The following FAT3 variants were observed in gnomAD, a reference collection of about 807,000 sequenced individuals.
FAT3 encodes FAT atypical cadherin 3.
A neutral mutation model predicts 310.2 loss-of-function variants in FAT3; 95 were observed. The observed-to-expected ratio is 0.31, with a 90% CI of 0.26 to 0.36. FAT3 has a LOEUF of 0.36. Among genes scored for constraint, FAT3 ranks in the 10% least tolerant of loss-of-function variants. The probability of loss-of-function intolerance (pLI) is 1.00; values close to 1 mark genes in which losing one functional copy is unlikely to be tolerated. For missense variants in FAT3, 5,408 were observed against 5,715.6 expected (o/e 0.95, Z 1.74); for synonymous variants, 2,314 against 2,192.9 (o/e 1.06, Z -1.54).
intron 4 of FAT3, among the ~76,000 whole-genome samples, chr11:92,713,570 T>C (rs1302542389): frequency 6.6e-6 from 1 of 152,230 alleles, no homozygotes; most frequent in Non-Finnish European, 1.5e-5. Context: ...TTGGGTACCC[T>C]GTACTTTAAT....
At position 92,882,844 on chromosome 11, in the gene FAT3, G is replaced by A. The variant is rs2136409216; in HGVS notation, c.12388G>A (p.Gly4130Ser). The change falls in exon 24 of 28, where the codon GGC (glycine) becomes AGC (serine). Residue 4130 changes from glycine (G) to serine (S), a missense_variant. Gly to Ser is a moderately conservative substitution (Grantham distance 56). Coordinates refer to ENST00000525166, the MANE Select transcript of FAT3 (RefSeq NM_001367949.2). ...CTGCAACTGCACGCCGGGCTACGTGGGCCAGTACTGCGGGCTGCGCCCCGT... is the reference window on the plus strand; with the variant it reads ...CTGCAACTGCACGCCGGGCTACGTGAGCCAGTACTGCGGGCTGCGCCCCGT... ...FLCNCTPGYV[G>S]QYCGLRPVVV... 6.2e-7 allele frequency: 1 copy of A among 1,611,912 alleles called. No individual in the cohort carries two copies. Among genetic ancestry groups the A allele is most frequent in the Non-Finnish European group, 8.5e-7 (1 of 1,179,246 alleles).
intron 2 of FAT3, among the ~76,000 whole-genome samples, chr11:92,507,376 A>G (rs960739549): frequency 6.6e-6 from 1 of 152,122 alleles, no homozygotes; most frequent in Admixed American, 6.6e-5. Context: ...TATAAATAGG[A>G]AAGCAAAGAG....
chr11:92,430,355 C>A lies in FAT3; in HGVS notation c.3292+74951C>A, dbSNP rs1950737895. On this transcript the variant is annotated intron_variant, in intron 2 of 27. Transcript: ENST00000525166. ...CTGTCAATTCGTCAAACTCATTCTC[C>A]ACCTAGTTTTGTTCCCTTGCTGGCG... Among the ~76,000 whole-genome samples the A allele has an allele frequency of 2.0e-5, 3 of 152,250 alleles. No homozygotes were observed. The South Asian group carries it at 6.2e-4, about 32-fold the overall frequency.
At chr11:92,834,164 T>C (rs896611361) in intron 14 of FAT3, among the ~76,000 whole-genome samples, 1 of 152,200 alleles carries the variant, frequency 6.6e-6, no homozygotes, top group African/African-American at 2.4e-5. Context: ...GGGAAGGATA[T>C]AGCACCAACA....
chr11:92,889,774 A>G (rs1949875391), intron 26 of FAT3, 82 bp from the exon 27 acceptor site: 2 of 711,182 alleles, frequency 2.8e-6, no homozygotes, highest in Non-Finnish European at 5.3e-6. Flanking sequence ...TATGTTTTTA[A>G]AAGTCATCTC....
intron 1 of FAT3, among the ~76,000 whole-genome samples, chr11:92,296,605 CCTGT>C (rs796781127): frequency 5.3e-5 from 8 of 151,876 alleles, no homozygotes; most frequent in African/African-American, 1.5e-4. Context: ...CTTGTTATGG[CCTGT>C]CTGTTTCATG....
At chr11:92,838,427 G>C (rs553547727) in intron 17 of FAT3, among the ~76,000 whole-genome samples, 1 of 152,308 alleles carries the variant, frequency 6.6e-6, no homozygotes, top group Admixed American at 6.5e-5. Context: ...TCTGCTATAA[G>C]AGAGAGTGAC....
rs566437595 is a variant in FAT3, at chr11:92,695,395, T to C, written c.3608-1989T>C. ...AGGAAGGAAAGTTACTCATCCTCCT[T>C]GACCTTCTTGGTGGCAGTCTTTCCT... On this transcript the variant is annotated intron_variant, in intron 3 of 27. Transcript: ENST00000525166. Among the ~76,000 whole-genome samples, 3 of 152,208 alleles carry C rather than the reference T, an allele frequency of 2.0e-5. No individual in the cohort carries two copies. In the East Asian group the frequency reaches 5.8e-4, roughly 29 times the overall value.
At chr11:92,624,908 G>A (rs1941256094) in intron 3 of FAT3, among the ~76,000 whole-genome samples, 1 of 152,286 alleles carries the variant, frequency 6.6e-6, no homozygotes, top group Non-Finnish European at 1.5e-5. Context: ...GATTTCTATT[G>A]TTATCGTATG....
intron 10 of FAT3, among the ~76,000 whole-genome samples, chr11:92,804,939 G>A (rs1947462080): frequency 6.6e-6 from 1 of 152,128 alleles, no homozygotes; most frequent in South Asian, 2.1e-4. Context: ...TTATTATCTT[G>A]GAAAGTTACT....
At chr11:92,577,301 G>T (rs1938533951) in intron 3 of FAT3, among the ~76,000 whole-genome samples, 1 of 151,750 alleles carries the variant, frequency 6.6e-6, no homozygotes, top group Non-Finnish European at 1.5e-5. Context: ...TAGAGATGGG[G>T]TTTCACCATT....
chr11:92,481,429 A>G (rs1952224194), intron 2 of FAT3, among the ~76,000 whole-genome samples: 1 of 152,190 alleles, frequency 6.6e-6, no homozygotes, highest in Non-Finnish European at 1.5e-5. Context: ...ACATAAATTC[A>G]AGAAAATAGA....
rs544331964 is a variant in FAT3 at position 92,464,134 on chromosome 11, T to C, written c.3293-60500T>C. Among the ~76,000 whole-genome samples the C allele has an allele frequency of 3.3e-5, 5 of 152,264 alleles. No homozygotes were observed. In the East Asian group the frequency reaches 5.8e-4, roughly 18 times the overall value. On this transcript the variant is annotated intron_variant, in intron 2 of 27. Transcript: ENST00000525166. The stretch of plus-strand genomic sequence containing the variant: ...AAAGGATGAGTGTTTTAATCAAGAA[T>C]AACACCTAATGGTTGGGAGGGTCCC...
chr11:92,804,848 G>C (rs1294533846), intron 10 of FAT3, among the ~76,000 whole-genome samples: 1 of 152,190 alleles, frequency 6.6e-6, no homozygotes, highest in Non-Finnish European at 1.5e-5. Flanking sequence ...CTGAGAAGAC[G>C]ATTGATTGTT....
chr11:92,696,115 A>C (rs1195879707), intron 3 of FAT3, among the ~76,000 whole-genome samples: 1 of 119,140 alleles, frequency 8.4e-6, no homozygotes, highest in Non-Finnish European at 1.9e-5. Flanking sequence ...CTATATATAT[A>C]TATACCATGT....
At chr11:92,737,200 G>C (rs962812200) in intron 4 of FAT3, among the ~76,000 whole-genome samples, 11 of 152,168 alleles carry the variant, frequency 7.2e-5, no homozygotes, top group Admixed American at 3.9e-4. Flanking sequence ...AGAGGGGAAA[G>C]AAATTGAAAT....
At chr11:92,772,582 A>G (rs1325142854) in intron 6 of FAT3, among the ~76,000 whole-genome samples, 1 of 152,166 alleles carries the variant, frequency 6.6e-6, no homozygotes, top group Non-Finnish European at 1.5e-5. Context: ...CAAATCAATT[A>G]AAGATATTAA....
chr11:92,496,734 C>T (rs111580946), intron 2 of FAT3, among the ~76,000 whole-genome samples: 2,474 of 152,112 alleles, frequency 0.016, 70 homozygotes, highest in African/African-American at 0.055. Context: ...ATGATGCCTG[C>T]AGCCCCACGG....
rs570423845 is a variant in FAT3, at chr11:92,240,576, C to CA, written c.-18+15414dup. Reference sequence around the variant, plus strand: ...TACTTGAAACAAAATGAAACCCCCCCAAAAAAAAAAAACCCAAAAAACCAA... The same window carrying CA: ...TACTTGAAACAAAATGAAACCCCCCCAAAAAAAAAAAAACCCAAAAAACCAA... On this transcript the variant is annotated intron_variant, in intron 1 of 27. Coordinates refer to ENST00000525166, the MANE Select transcript of FAT3 (RefSeq NM_001367949.2). Among the ~76,000 whole-genome samples the CA allele has an allele frequency of 2.4e-3, 339 of 140,696 alleles. 1 individual carries two copies. The highest frequency in any genetic ancestry group is 6.9e-3 in the African/African-American group (268 of 38,676). 92.3% of individuals were successfully genotyped at this position (140,696 alleles called of 152,430 possible).
Sources: allele counts gnomAD v4.1 joint callset (sites outside exome capture counted in the v4.1 genomes callset), GRCh38; gene constraint gnomAD v4.1.1; transcripts MANE v1.5; gene names NCBI Gene and HGNC (gene_info 2026-07-23, HGNC 2026-07-21).